SLC24A3: variants seen among roughly 807,000 people sequenced by gnomAD.
SLC24A3 encodes the protein solute carrier family 24 member 3.
In SLC24A3, 28 loss-of-function variants were observed where a neutral mutation model predicts 75.8. The observed-to-expected ratio is 0.37, with a 90% confidence interval of 0.27 to 0.51. The LOEUF (loss-of-function observed/expected upper bound fraction) is 0.51. Among genes scored for constraint, SLC24A3 ranks in the 20% least tolerant of loss-of-function variants. The pLI, the probability that SLC24A3 is intolerant of heterozygous loss-of-function variation, is 0.94. For missense variants in SLC24A3, 663 were observed against 847.8 expected (o/e 0.78, Z 2.71); for synonymous variants, 372 against 334.1 (o/e 1.11, Z -1.24).
chr20:19,347,854 C>A (rs1443234052), intron 2 of SLC24A3, among the ~76,000 whole-genome samples: 3 of 152,176 alleles, frequency 2.0e-5, no homozygotes, highest in Non-Finnish European at 4.4e-5. Context: ...GACTTCACAT[C>A]TGCAAAGTGA....
intron 6 of SLC24A3, among the ~76,000 whole-genome samples, chr20:19,651,755 G>GGAGGCT (rs1568685588): frequency 2.0e-5 from 3 of 151,822 alleles, no homozygotes; most frequent in Non-Finnish European, 4.4e-5. Flanking sequence ...CAACTACTTG[G>GGAGGCT]GAGGCTGAGG....
chr20:19,424,738 AC>A lies in SLC24A3; in HGVS notation c.272-90749del, dbSNP rs61182869. The stretch of plus-strand genomic sequence containing the variant: ...AGTGAGACCCTTTCTCAAAAAAAAA[AC>A]AACAACAAAAAAAAAAAAAAAAAAA... On this transcript the variant is annotated intron_variant, in intron 2 of 16. Coordinates refer to ENST00000328041, the MANE Select transcript of SLC24A3 (RefSeq NM_020689.4). 1.5e-3 allele frequency among the ~76,000 whole-genome samples: 52 copies of A among 33,850 alleles called. 3 individuals are homozygous for A. Among genetic ancestry groups the A allele is most frequent in the East Asian group, 3.5e-3 (1 of 286 alleles). 22.2% of individuals were successfully genotyped at this position (33,850 alleles called of 152,430 possible).
chr20:19,479,699 G>T (rs113219182), intron 2 of SLC24A3, among the ~76,000 whole-genome samples: 2 of 152,234 alleles, frequency 1.3e-5, no homozygotes, highest in East Asian at 3.9e-4. Flanking sequence ...GGAGGGGAAG[G>T]CTGTGGGTTT....
intron 2 of SLC24A3, among the ~76,000 whole-genome samples, chr20:19,464,216 C>T (rs1009712734): frequency 2.0e-5 from 3 of 152,252 alleles, no homozygotes; most frequent in Non-Finnish European, 4.4e-5. Flanking sequence ...GGACCAGTGT[C>T]TGGCTCAGCC....
At chr20:19,466,144 T>C (rs939291460) in intron 2 of SLC24A3, among the ~76,000 whole-genome samples, 4 of 152,244 alleles carry the variant, frequency 2.6e-5, no homozygotes, top group African/African-American at 9.6e-5. Context: ...TAGAGAAGTT[T>C]GGCTTTTCTT....
intron 2 of SLC24A3, among the ~76,000 whole-genome samples, chr20:19,483,959 C>A (rs907631365): frequency 1.7e-4 from 26 of 152,292 alleles, no homozygotes; most frequent in Admixed American, 6.5e-4. Context: ...AATCACCCAG[C>A]AATTCCACTT....
chr20:19,720,674 T>C (rs773200319), intron 16 of SLC24A3, among the ~76,000 whole-genome samples: 7 of 152,090 alleles, frequency 4.6e-5, no homozygotes, highest in Non-Finnish European at 1.0e-4. Context: ...CCAGAACAGA[T>C]GAAGGGCCCA....
At chr20:19,519,850 C>T (rs143605137) in intron 3 of SLC24A3, among the ~76,000 whole-genome samples, 23 of 152,330 alleles carry the variant, frequency 1.5e-4, no homozygotes, top group South Asian at 8.3e-4. Context: ...AGCCAAGCTA[C>T]GCATTTCTCT....
chr20:19,643,362 A>G (rs537905591), intron 6 of SLC24A3, among the ~76,000 whole-genome samples: 13 of 152,316 alleles, frequency 8.5e-5, no homozygotes, highest in African/African-American at 2.9e-4. Flanking sequence ...AGCACAATCA[A>G]CTATTCTTCT....
intron 3 of SLC24A3, among the ~76,000 whole-genome samples, chr20:19,558,731 T>C (rs771163683): frequency 2.0e-5 from 3 of 152,138 alleles, no homozygotes; most frequent in Non-Finnish European, 4.4e-5. Flanking sequence ...CAGTACATGG[T>C]GTTGATATGC....
intron 8 of SLC24A3, among the ~76,000 whole-genome samples, chr20:19,672,296 G>A (rs1167363397): frequency 6.6e-6 from 1 of 152,136 alleles, no homozygotes; most frequent in Non-Finnish European, 1.5e-5. Flanking sequence ...GTGCATCTGA[G>A]CACTTTCTAG....
intron 2 of SLC24A3, among the ~76,000 whole-genome samples, chr20:19,293,350 G>A (rs376950833): frequency 2.6e-5 from 4 of 151,904 alleles, no homozygotes; most frequent in African/African-American, 4.8e-5. Context: ...TTTTATGTTC[G>A]TGGCTCGGAA....
chr20:19,377,883 C>T (rs1568603477), intron 2 of SLC24A3, among the ~76,000 whole-genome samples: 1 of 152,174 alleles, frequency 6.6e-6, no homozygotes, highest in Non-Finnish European at 1.5e-5. Context: ...GCCAAATCTG[C>T]TCAATCACAT....
intron 3 of SLC24A3, among the ~76,000 whole-genome samples, chr20:19,567,809 G>T (rs1206184415): frequency 6.6e-6 from 1 of 152,126 alleles, no homozygotes; most frequent in Non-Finnish European, 1.5e-5. Flanking sequence ...TAAAACTTTT[G>T]TCCATCAAAG....
intron 3 of SLC24A3, among the ~76,000 whole-genome samples, chr20:19,557,727 T>C (rs1446630679): frequency 6.6e-6 from 1 of 152,226 alleles, no homozygotes; most frequent in Non-Finnish European, 1.5e-5. Flanking sequence ...CTTGAGAATC[T>C]TGGGCAAATA....
At chr20:19,345,504 G>A (rs182888417) in intron 2 of SLC24A3, among the ~76,000 whole-genome samples, 1 of 152,258 alleles carries the variant, frequency 6.6e-6, no homozygotes, top group East Asian at 1.9e-4. Context: ...AACACTCACT[G>A]TAAAGCTACG....
intron 3 of SLC24A3, among the ~76,000 whole-genome samples, chr20:19,525,855 C>T (rs745629944): frequency 1.3e-5 from 2 of 152,296 alleles, no homozygotes; most frequent in African/African-American, 2.4e-5. Flanking sequence ...TCTTCCCAGC[C>T]CCTCATTCCA....
At chr20:19,477,740 G>A (rs1166404792) in intron 2 of SLC24A3, among the ~76,000 whole-genome samples, 2 of 152,128 alleles carry the variant, frequency 1.3e-5, no homozygotes, top group Non-Finnish European at 2.9e-5. Context: ...CTTGATTATG[G>A]TCTTGCTCCT....
At position 19,722,660 on chromosome 20, in the gene SLC24A3, A is replaced by G. The variant is rs1374630575; in HGVS notation, c.*1520A>G. 6.6e-6 allele frequency: 1 copy of G among 152,656 alleles called. No individual in the cohort carries two copies. The highest frequency in any genetic ancestry group is 1.5e-5 in the Non-Finnish European group (1 of 68,044). The allele number at this position is 152,656 out of a possible 1,614,324, so 9.5% of individuals were successfully genotyped here. ...GTATGGTTTTCCCTGTCCCTTGTAC[A>G]CATTCTGGTATGAATTTGTAAAAAT... is the stretch of plus-strand genomic sequence containing the variant. On this transcript the variant is annotated 3_prime_UTR_variant, in exon 17 of 17. Transcript: ENST00000328041.
Sources: gnomAD v4.1 joint callset for allele counts (sites outside exome capture counted in the v4.1 genomes callset) on GRCh38, gnomAD v4.1.1 for gene constraint, MANE v1.5 for transcripts, NCBI Gene and HGNC (gene_info 2026-07-23, HGNC 2026-07-21) for gene names.